Variants in MCTP2 observed in about 807,000 individuals in gnomAD.
MCTP2 encodes the protein multiple C2 and transmembrane domain-containing protein 2.
MCTP2 carries 132 observed loss-of-function variants against 111.6 expected under a neutral mutation model. The observed-to-expected ratio is 1.18, with a 90% CI of 1.03 to 1.37. MCTP2 has a LOEUF of 1.37. MCTP2 is among the 40% of genes most tolerant of loss of function. The pLI is 0.00. For synonymous variants in MCTP2, 395 were observed against 387.7 expected (o/e 1.02, Z -0.22); for missense variants, 1,183 against 1,067.9 (o/e 1.11, Z -1.50).
Position 94,364,570 on chromosome 15 carries a change from G to A in MCTP2, c.1302-3035G>A, listed in dbSNP as rs573507907. On this transcript the variant is annotated intron_variant, in intron 10 of 22. Transcript: ENST00000357742. ...GATTAATGTATTATAGAATGTTTAC[G>A]TCTTAAAGACTTTAAATTTTAGTCC... 1.2e-4 allele frequency among the ~76,000 whole-genome samples: 19 copies of A among 152,150 alleles called. No homozygotes were observed. The South Asian group carries it at 3.5e-3, about 28-fold the overall frequency.
chr15:94,243,783 A>T (rs1317524041), intron 1 of MCTP2, among the ~76,000 whole-genome samples: 1 of 148,220 alleles, frequency 6.7e-6, no homozygotes, highest in Non-Finnish European at 1.5e-5. Context: ...ATGAACATAT[A>T]TATGTATATA....
chr15:94,245,039 C>A (rs541733874), intron 1 of MCTP2, among the ~76,000 whole-genome samples: 1 of 144,960 alleles, frequency 6.9e-6, no homozygotes, highest in Admixed American at 6.8e-5. Context: ...TGTTTATATA[C>A]GTATATGTAT....
At chr15:94,328,221 C>T (rs954809843) in intron 4 of MCTP2, among the ~76,000 whole-genome samples, 6 of 151,498 alleles carry the variant, frequency 4.0e-5, no homozygotes, top group East Asian at 1.9e-4. Context: ...CTCTGCCTCC[C>T]GGGTTCATAC....
Position 94,243,325 on chromosome 15 carries a change from G to A in MCTP2, c.-66+11661G>A, listed in dbSNP as rs568195438. On this transcript the variant is annotated intron_variant, in intron 1 of 22. Coordinates refer to ENST00000357742, the MANE Select transcript of MCTP2 (RefSeq NM_001385001.1). ...TACATACATACGTATGCGTACATAC[G>A]TATGCGTATATGCGTATGTACATAC... Among the ~76,000 whole-genome samples, 10 of 145,582 alleles carry A rather than the reference G, an allele frequency of 6.9e-5. 1 individual carries two copies. The East Asian group carries it at 1.3e-3, about 18-fold the overall frequency.
At chr15:94,275,580 A>G (rs1230751664) in intron 1 of MCTP2, among the ~76,000 whole-genome samples, 1 of 152,126 alleles carries the variant, frequency 6.6e-6, no homozygotes, top group Non-Finnish European at 1.5e-5. Flanking sequence ...TGCATCATCT[A>G]TTTGTGCATC....
intron 1 of MCTP2, among the ~76,000 whole-genome samples, chr15:94,246,801 T>G (rs2072044384): frequency 6.6e-6 from 1 of 152,224 alleles, no homozygotes; most frequent in Non-Finnish European, 1.5e-5. Flanking sequence ...GACACTGGCA[T>G]TGATGGAATC....
chr15:94,300,508 T>TAAAAA (rs1407879746), intron 2 of MCTP2, among the ~76,000 whole-genome samples: 1 of 47,838 alleles, frequency 2.1e-5, no homozygotes, highest in African/African-American at 1.0e-4. Context: ...AGACTCTGTC[T>TAAAAA]CAAAAAAAAA....
intron 7 of MCTP2, chr15:94,343,809 T>G (rs1042851539): frequency 6.6e-6 from 1 of 152,300 alleles, no homozygotes; most frequent in South Asian, 2.1e-4. Flanking sequence ...TTGTGAAGAT[T>G]GAAATTATCA....
intron 1 of MCTP2, among the ~76,000 whole-genome samples, chr15:94,295,614 G>T (rs556370634): frequency 6.6e-6 from 1 of 152,080 alleles, no homozygotes; most frequent in East Asian, 1.9e-4. Context: ...TTGCTGAGAA[G>T]GTACTGGCCA....
At chr15:94,410,931 C>G (rs149599383) in intron 17 of MCTP2, among the ~76,000 whole-genome samples, 356 of 152,314 alleles carry the variant, frequency 2.3e-3, no homozygotes, top group African/African-American at 8.3e-3. Context: ...ATTTTTCTGG[C>G]TTTTTCTTGA....
At chr15:94,411,969 CA>C (rs2082171745) in intron 17 of MCTP2, among the ~76,000 whole-genome samples, 1 of 152,040 alleles carries the variant, frequency 6.6e-6, no homozygotes, top group African/African-American at 2.4e-5. Flanking sequence ...TTCATTTTGT[CA>C]AGGAAAAAAC....
chr15:94,341,222 T>A (rs931471734), intron 7 of MCTP2: 1 of 332,810 alleles, frequency 3.0e-6, no homozygotes, highest in Admixed American at 4.5e-5. Context: ...AAGTTTTCCA[T>A]TGGGAGTTCT....
At chr15:94,417,563 G>A (rs373004913) in intron 17 of MCTP2, among the ~76,000 whole-genome samples, 13 of 152,206 alleles carry the variant, frequency 8.5e-5, no homozygotes, top group African/African-American at 2.6e-4. Context: ...ATTCCTGAGC[G>A]CTGGTGATGT....
At chr15:94,379,539 T>G (rs2152449604) in intron 12 of MCTP2, among the ~76,000 whole-genome samples, 1 of 151,950 alleles carries the variant, frequency 6.6e-6, no homozygotes, top group Admixed American at 6.6e-5. Context: ...CCTTGTATTG[T>G]ATTGACAGTC....
At position 94,419,413 on chromosome 15, in the gene MCTP2, G is replaced by A. The variant is rs2152492394; in HGVS notation, c.2085+17394G>A. ...ATTATGGTACCGAGAGCATGACTTA[G>A]AGGTATAAGTGGAAATATGAAGGTT... On this transcript the variant is annotated intron_variant, in intron 17 of 22. Coordinates refer to ENST00000357742, the MANE Select transcript of MCTP2 (RefSeq NM_001385001.1). 3.3e-5 allele frequency among the ~76,000 whole-genome samples: 5 copies of A among 152,184 alleles called. No homozygotes were observed. In the South Asian group the frequency reaches 1.0e-3, roughly 32 times the overall value.
chr15:94,277,859 A>G (rs2074292323), intron 1 of MCTP2, among the ~76,000 whole-genome samples: 1 of 152,198 alleles, frequency 6.6e-6, no homozygotes, highest in African/African-American at 2.4e-5. Context: ...TATTGGTTCA[A>G]CAATTGTATT....
At chr15:94,277,339 G>C (rs77224511) in intron 1 of MCTP2, among the ~76,000 whole-genome samples, 2,217 of 152,152 alleles carry the variant, frequency 0.015, 45 homozygotes, top group African/African-American at 0.048. Flanking sequence ...ACCCAAATGA[G>C]TTGAAAACTT....
intron 12 of MCTP2, among the ~76,000 whole-genome samples, chr15:94,380,248 G>A (rs1388689374): frequency 6.6e-6 from 1 of 152,126 alleles, no homozygotes; most frequent in Non-Finnish European, 1.5e-5. Context: ...ATTTACAAAT[G>A]TGGGATATAA....
chr15:94,446,906 A>G (rs547059799), intron 19 of MCTP2, among the ~76,000 whole-genome samples: 2 of 152,370 alleles, frequency 1.3e-5, no homozygotes, highest in African/African-American at 4.8e-5. Context: ...TGAAAAACAG[A>G]TATGGACATT....
Sources: gnomAD v4.1 joint callset for allele counts (sites outside exome capture counted in the v4.1 genomes callset) on GRCh38, gnomAD v4.1.1 for gene constraint, MANE v1.5 for transcripts, NCBI Gene and HGNC (gene_info 2026-07-23, HGNC 2026-07-21) for gene names.